The following ZNF425 variants were observed in gnomAD, a reference collection of about 807,000 sequenced individuals.
The protein encoded by ZNF425 is zinc finger protein 425.
ZNF425 carries 21 observed loss-of-function variants against 17.0 expected under a neutral mutation model. The ratio of observed to expected loss-of-function variants is 1.23; its 90% CI spans 0.88 to 1.78. The LOEUF is 1.78. Among genes scored for constraint, ZNF425 ranks in the 40% most tolerant of loss-of-function variants. The pLI is 0.00. For missense variants in ZNF425, 868 were observed against 967.3 expected (o/e 0.90, Z 1.36); for synonymous variants, 433 against 384.1 (o/e 1.13, Z -1.49).
At chr7:149,122,520 A>G (rs1277794177) in intron 1 of ZNF425, among the ~76,000 whole-genome samples, 1 of 151,920 alleles carries the variant, frequency 6.6e-6, no homozygotes, top group Non-Finnish European at 1.5e-5. Context: ...ATCCTTCAAA[A>G]AGCAAGTTTT....
rs771331854 is a variant in ZNF425, at chr7:149,104,979, C to A, written c.892G>T (p.Gly298Trp). 1.9e-6 allele frequency: 3 copies of A among 1,614,188 alleles called. No homozygotes were observed. The highest frequency in any genetic ancestry group is 1.7e-5 in the Admixed American group (1 of 60,032). Residue 298 changes from glycine to tryptophan, a missense_variant, in exon 4 of 4, where the codon GGG (glycine) becomes TGG (tryptophan). By Grantham distance (184) the Gly-to-Trp change is radical. This residue lies in a region of ZNF425 where 243 missense variants were observed against 265.2 expected (regional missense o/e 0.92). Transcript: ENST00000378061. This position sits in a 1 kb window ranked among gnomAD's most constrained non-coding sequence, Gnocchi z 4.3. The part of the protein sequence containing the change: ...NLKKHLCLHR[G>W]ERPFCCGECG... ...TCCCCGCAGCAGAACGGCCGCTCCC[C>A]GCGGTGTAGACACAGGTGCTTCTTC...
At chr7:149,114,183 T>G (rs974171215) in intron 2 of ZNF425, among the ~76,000 whole-genome samples, 1 of 151,164 alleles carries the variant, frequency 6.6e-6, no homozygotes, top group Non-Finnish European at 1.5e-5. Context: ...CTCAGCCTCC[T>G]GAGTAGGTGG....
At position 149,104,777 on chromosome 7, in the gene ZNF425, C is replaced by G. The variant is rs781577739; in HGVS notation, c.1094G>C (p.Arg365Pro). 9.4e-5 allele frequency: 152 copies of G among 1,613,084 alleles called. 4 individuals are homozygous for G. In the South Asian group the frequency reaches 1.5e-3, roughly 16 times the overall value. The change falls in exon 4 of 4, where the codon CGG becomes CCG. Residue 365 changes from arginine to proline, a missense_variant. Physicochemically the swap from Arg to Pro is moderately radical, Grantham distance 103 (BLOSUM62 -2). Around this residue, in one of 5 missense-constraint regions of ZNF425, gnomAD observed 243 missense variants for 265.2 expected, o/e 0.92. Coordinates refer to ENST00000378061, the MANE Select transcript of ZNF425 (RefSeq NM_001001661.3). The surrounding 1 kb of genome is among the most constrained non-coding windows in gnomAD (Gnocchi z 4.3). ...KRPFHCPECG[R>P]SFSRKAALKT... ...CAGGGCAGCCTTCCGGGAGAAGCTC[C>G]GGCCACACTCGGGACAGTGGAAGGG...
Position 149,105,373 on chromosome 7 carries a change from G to T in ZNF425, c.498C>A (p.Asp166Glu), listed in dbSNP as rs1563145003. 6.2e-7 allele frequency: 1 copy of T among 1,611,286 alleles called. No individual in the cohort carries two copies. The highest frequency in any genetic ancestry group is 1.1e-5 in the South Asian group (1 of 90,554). Residue 166 changes from aspartate (D) to glutamate (E), a missense_variant, in exon 4 of 4, where the codon GAC (aspartate) becomes GAA (glutamate). Around this residue, in one of 5 missense-constraint regions of ZNF425, gnomAD observed 179 missense variants for 216.3 expected, o/e 0.83. Transcript: ENST00000378061. ...GAGGCTTATGCCGCAGGTCTTTCTT[G>T]TCTGGATCATATGCTGTGATGCTGA... ...KKVSITAYDP[D>E]KKDLRHKPRE...
Position 149,112,135 on chromosome 7 carries a change from A to C in ZNF425, c.304+2T>G. On this transcript the variant is annotated splice_donor_variant, in intron 3 of 3. Coordinates refer to ENST00000378061, the MANE Select transcript of ZNF425 (RefSeq NM_001001661.3). LOFTEE classifies it high-confidence loss of function. ...TCATGATCTTAAATCCATCTTACTCACCAAAACATAGCAACTTTCCAGTAT... is the reference window on the plus strand; with the variant it reads ...TCATGATCTTAAATCCATCTTACTCCCCAAAACATAGCAACTTTCCAGTAT... 6.2e-7 allele frequency: 1 copy of C among 1,612,722 alleles called. No homozygotes were observed. Among genetic ancestry groups the C allele is most frequent in the Non-Finnish European group, 8.5e-7 (1 of 1,179,404 alleles).
rs1012195356 is a variant in ZNF425, at chr7:149,114,151, C to T, written c.146-1856G>A. Among the ~76,000 whole-genome samples, 10 of 151,856 alleles carry T rather than the reference C, an allele frequency of 6.6e-5. No individual in the cohort carries two copies. The East Asian group carries it at 1.4e-3, about 21-fold the overall frequency. On this transcript the variant is annotated intron_variant, in intron 2 of 3. Transcript: ENST00000378061. ...TTGGCTCACTGCAACCTCTGCCTCCCGGGTTCAAGCGATTCTCCTGCCTCA... is the reference window on the plus strand; with the variant it reads ...TTGGCTCACTGCAACCTCTGCCTCCTGGGTTCAAGCGATTCTCCTGCCTCA...
chr7:149,104,074 C>T lies in ZNF425; in HGVS notation c.1797G>A (p.Glu599=), dbSNP rs776374804. The part of the protein sequence containing the change: ...KTYTHQSQLT[E]HLRLHSGEKP... Reference sequence around the variant, plus strand: ...TCTCTCCACTGTGCAGCCTCAGGTGCTCGGTGAGCTGAGACTGATGCGTGT... The same window carrying T: ...TCTCTCCACTGTGCAGCCTCAGGTGTTCGGTGAGCTGAGACTGATGCGTGT... Residue 599 remains glutamate, a synonymous_variant, in exon 4 of 4, where the codon GAG becomes GAA. Transcript: ENST00000378061. This position sits in a 1 kb window ranked among gnomAD's most constrained non-coding sequence, Gnocchi z 4.3. 6 of 1,613,138 alleles carry T rather than the reference C, an allele frequency of 3.7e-6. No individual in the cohort carries two copies. Among genetic ancestry groups the T allele is most frequent in the Non-Finnish European group, 4.2e-6 (5 of 1,179,988 alleles).
At chr7:149,110,127 C>T (rs1420993484) in intron 3 of ZNF425, among the ~76,000 whole-genome samples, 2 of 151,670 alleles carry the variant, frequency 1.3e-5, no homozygotes, top group East Asian at 1.9e-4. Flanking sequence ...CCGACCTCCT[C>T]AGCCTCCCAA....
chr7:149,105,605 T>C (rs1301012026), intron 3 of ZNF425, 39 bp from the exon 4 acceptor site: 2 of 1,452,116 alleles, frequency 1.4e-6, no homozygotes, highest in East Asian at 4.8e-5. Flanking sequence ...CAGTGATATG[T>C]CTACCCTATA....
chr7:149,104,019 T>C lies in ZNF425; in HGVS notation c.1852A>G (p.Thr618Ala). Reference protein sequence around the residue: ...KPYQCPECEKTFRLKGNLKSH... With the variant: ...KPYQCPECEKAFRLKGNLKSH... ...TTCAGGTTTCCCTTGAGGCGGAAAG[T>C]CTTCTCGCATTCAGGACACTGGTAG... Residue 618 changes from threonine (T) to alanine (A), a missense_variant, in exon 4 of 4, where the codon ACT (threonine) becomes GCT (alanine). Physicochemically the swap from Thr to Ala is moderately conservative, Grantham distance 58 (BLOSUM62 0). This residue lies in a region of ZNF425 where 437 missense variants were observed against 444.2 expected (regional missense o/e 0.98). Coordinates refer to ENST00000378061, the MANE Select transcript of ZNF425 (RefSeq NM_001001661.3). The surrounding 1 kb of genome is among the most constrained non-coding windows in gnomAD (Gnocchi z 4.3). 1.9e-6 allele frequency: 3 copies of C among 1,613,790 alleles called. No individual in the cohort carries two copies. The highest frequency in any genetic ancestry group is 2.5e-6 in the Non-Finnish European group (3 of 1,179,780).
chr7:149,104,096 G>T lies in ZNF425; in HGVS notation c.1775C>A (p.Thr592Lys), dbSNP rs750504216. Residue 592 changes from threonine (T) to lysine (K), a missense_variant, in exon 4 of 4, where the codon ACG (threonine) becomes AAG (lysine). By Grantham distance (78) the Thr-to-Lys change is moderately conservative. This residue lies in a region of ZNF425 where 437 missense variants were observed against 444.2 expected (regional missense o/e 0.98). Coordinates refer to ENST00000378061, the MANE Select transcript of ZNF425 (RefSeq NM_001001661.3). The surrounding 1 kb of genome is among the most constrained non-coding windows in gnomAD (Gnocchi z 4.3). ...GTGCTCGGTGAGCTGAGACTGATGC[G>T]TGTAGGTCTTGTCACACTCACCGCA... ...FACGECDKTYTHQSQLTEHLR... is the reference protein window; with the variant it reads ...FACGECDKTYKHQSQLTEHLR... 6.2e-7 allele frequency: 1 copy of T among 1,612,684 alleles called. No homozygotes were observed. Among genetic ancestry groups the T allele is most frequent in the Non-Finnish European group, 8.5e-7 (1 of 1,179,974 alleles).
rs764975964 is a variant in ZNF425 at position 149,104,518 on chromosome 7, G to A, written c.1353C>T (p.Phe451=). 1.2e-6 allele frequency: 2 copies of A among 1,603,582 alleles called. No individual in the cohort carries two copies. The highest frequency in any genetic ancestry group is 1.1e-5 in the South Asian group (1 of 89,578). Reference sequence around the variant, plus strand: ...GGGCGCGCATGGCGTTCCTCCAGAAGAAGCCCCTGCTGCACTCCGGGCACT... The same window carrying A: ...GGGCGCGCATGGCGTTCCTCCAGAAAAAGCCCCTGCTGCACTCCGGGCACT... ...PFQCPECSRG[F]FWRNAMRAHQ... The change falls in exon 4 of 4, where the codon TTC becomes TTT. Residue 451 remains phenylalanine, a synonymous_variant. Transcript: ENST00000378061. This position sits in a 1 kb window ranked among gnomAD's most constrained non-coding sequence, Gnocchi z 4.3.
intron 3 of ZNF425, among the ~76,000 whole-genome samples, chr7:149,110,596 C>G (rs887597955): frequency 6.6e-6 from 1 of 151,078 alleles, no homozygotes; most frequent in African/African-American, 2.4e-5. Context: ...AGCATTCGCG[C>G]ACTATAAAAA....
chr7:149,108,785 G>A (rs889087579), intron 3 of ZNF425, among the ~76,000 whole-genome samples: 7 of 152,054 alleles, frequency 4.6e-5, no homozygotes, highest in East Asian at 1.9e-4. Flanking sequence ...CCAGCTACTC[G>A]GGAGGCTGAG....
chr7:149,104,868 A>C lies in ZNF425; in HGVS notation c.1003T>G (p.Cys335Gly), dbSNP rs1195609652. ...CTCTTCAGGCGGAAGCACCGGTCAC[A>C]CTGCGGACACTGGAAGGGCTTCTCT... Reference protein sequence around the residue: ...SGEKPFQCPQCDRCFRLKRGM... With the variant: ...SGEKPFQCPQGDRCFRLKRGM... Residue 335 changes from cysteine (C) to glycine (G), a missense_variant, in exon 4 of 4, where the codon TGT (cysteine) becomes GGT (glycine). This residue lies in a region of ZNF425 where 243 missense variants were observed against 265.2 expected (regional missense o/e 0.92). Coordinates refer to ENST00000378061, the MANE Select transcript of ZNF425 (RefSeq NM_001001661.3). The surrounding 1 kb of genome is among the most constrained non-coding windows in gnomAD (Gnocchi z 4.3). 1 of 1,613,676 alleles carries C rather than the reference A, an allele frequency of 6.2e-7. No individual in the cohort carries two copies.
rs1261143761 is a variant in ZNF425, at chr7:149,104,718, G to A, written c.1153C>T (p.Pro385Ser). ...THQRTHSEEK[P>S]FSCGECGRKF... ...CTGCCACATTCACCACAAGAAAACG[G>A]CTTTTCCTCGCTGTGCGTCCTCTGG... is the stretch of plus-strand genomic sequence containing the variant. The change falls in exon 4 of 4, where the codon CCG (proline) becomes TCG (serine). Residue 385 changes from proline (P) to serine (S), a missense_variant. Around this residue, in one of 5 missense-constraint regions of ZNF425, gnomAD observed 243 missense variants for 265.2 expected, o/e 0.92. Transcript: ENST00000378061. This position sits in a 1 kb window ranked among gnomAD's most constrained non-coding sequence, Gnocchi z 4.3. 6.2e-7 allele frequency: 1 copy of A among 1,613,328 alleles called. No individual in the cohort carries two copies. The highest frequency in any genetic ancestry group is 8.5e-7 in the Non-Finnish European group (1 of 1,179,994).
chr7:149,110,874 A>G (rs1463099358), intron 3 of ZNF425, among the ~76,000 whole-genome samples: 1 of 148,364 alleles, frequency 6.7e-6, no homozygotes, highest in African/African-American at 2.5e-5. Flanking sequence ...GGCTCACTGC[A>G]AACTCCGCCT....
chr7:149,104,419 C>G lies in ZNF425; in HGVS notation c.1452G>C (p.Lys484Asn), dbSNP rs772564080. 4 of 1,601,344 alleles carry G rather than the reference C, an allele frequency of 2.5e-6. No homozygotes were observed. Among genetic ancestry groups the G allele is most frequent in the Admixed American group, 3.4e-5 (2 of 58,508 alleles). ...CGTGGACTCTGGTGTGGCAGGCGAGCTTGGAAGGCCGCGTGAAGCGCTTGC... is the reference window on the plus strand; with the variant it reads ...CGTGGACTCTGGTGTGGCAGGCGAGGTTGGAAGGCCGCGTGAAGCGCTTGC... ...ECGKRFTRPS[K>N]LACHTRVHDR... The change falls in exon 4 of 4, where the codon AAG becomes AAC. Residue 484 changes from lysine to asparagine, a missense_variant. By Grantham distance (94) the Lys-to-Asn change is moderately conservative (BLOSUM62 0). Transcript: ENST00000378061. The surrounding 1 kb of genome is among the most constrained non-coding windows in gnomAD (Gnocchi z 4.3).
intron 1 of ZNF425, among the ~76,000 whole-genome samples, chr7:149,124,120 T>G (rs11976094): frequency 0.036 from 5,504 of 151,062 alleles, 317 homozygotes; most frequent in African/African-American, 0.13. Context: ...GTGCTGGGAT[T>G]ACAGGCCTGA....
Sources: allele counts gnomAD v4.1 joint callset (sites outside exome capture counted in the v4.1 genomes callset), GRCh38; gene constraint gnomAD v4.1.1; regional missense constraint gnomAD v4.1.1; non-coding constraint Gnocchi (gnomAD v3.1); transcripts MANE v1.5; gene names NCBI Gene and HGNC (gene_info 2026-07-23, HGNC 2026-07-21).